PF4V1: variants seen among roughly 807,000 people sequenced by gnomAD.
PF4V1 encodes platelet factor 4 variant 1.
In PF4V1, 4 loss-of-function variants were observed where a neutral mutation model predicts 6.9. The observed-to-expected ratio is 0.58, with a 90% CI of 0.29 to 1.34. The LOEUF (loss-of-function observed/expected upper bound fraction) is 1.34. Ranked by LOEUF, PF4V1 falls within the 40% of genes most tolerant of loss-of-function variation. The pLI is 0.09. For synonymous variants in PF4V1, 68 were observed against 55.9 expected, an observed-to-expected ratio of 1.22 and a Z score of -0.97; for missense variants, 127 against 128.6, an observed-to-expected ratio of 0.99 and a Z score of 0.06.
rs1248816537 is a variant in PF4V1, at chr4:73,853,309, C to A, written c.-54C>A. On this transcript the variant is annotated 5_prime_UTR_variant, in exon 1 of 3. Coordinates refer to ENST00000226524, the MANE Select transcript of PF4V1 (RefSeq NM_002620.4). Reference sequence around the variant, plus strand: ...AGGCCAGGAGTCACTGCCTGCAGAACCCCAGCCCGACTTTCCCTGCGCACT... The same window carrying A: ...AGGCCAGGAGTCACTGCCTGCAGAAACCCAGCCCGACTTTCCCTGCGCACT... The A allele has an allele frequency of 3.5e-6, 5 of 1,438,994 alleles. No individual in the cohort carries two copies. In the East Asian group the frequency reaches 6.8e-5, roughly 20 times the overall value. The allele number at this position is 1,438,994 out of a possible 1,614,324, so 89.1% of individuals were successfully genotyped here.
chr4:73,854,189 C>A lies in PF4V1; in HGVS notation c.*67C>A. ...AGAATCTTCTGATGTTTGTATTATCCTTCTTATATTATATTAACGAAATAA... is the reference window on the plus strand; with the variant it reads ...AGAATCTTCTGATGTTTGTATTATCATTCTTATATTATATTAACGAAATAA... On this transcript the variant is annotated 3_prime_UTR_variant, in exon 3 of 3. Coordinates refer to ENST00000226524, the MANE Select transcript of PF4V1 (RefSeq NM_002620.4). 1.2e-5 allele frequency: 13 copies of A among 1,100,372 alleles called. No individual in the cohort carries two copies. Among genetic ancestry groups the A allele is most frequent in the Non-Finnish European group, 1.8e-5 (13 of 741,506 alleles). 68.2% of individuals were successfully genotyped at this position (1,100,372 alleles called of 1,614,324 possible).
At position 73,854,297 on chromosome 4, in the gene PF4V1, T is replaced by G; in HGVS notation, c.*175T>G. 1.7e-6 allele frequency: 1 copy of G among 586,412 alleles called. No homozygotes were observed. The highest frequency in any genetic ancestry group is 2.9e-6 in the Non-Finnish European group (1 of 340,632). 36.3% of individuals were successfully genotyped at this position (586,412 alleles called of 1,614,324 possible). A position where few individuals can be genotyped will look rare whatever the true frequency, so the allele number is the denominator to read the frequency against. On this transcript the variant is annotated 3_prime_UTR_variant, in exon 3 of 3. Transcript: ENST00000226524. ...ACATCACAATTTCATATTTTAAAATTTCCAGAATTTTAAGCAAAAAGCATT... is the reference window on the plus strand; with the variant it reads ...ACATCACAATTTCATATTTTAAAATGTCCAGAATTTTAAGCAAAAAGCATT...
At position 73,853,327 on chromosome 4, in the gene PF4V1, T is replaced by G. The variant is rs199780367; in HGVS notation, c.-36T>G. On this transcript the variant is annotated 5_prime_UTR_variant, in exon 1 of 3. Transcript: ENST00000226524. ...TGCAGAACCCCAGCCCGACTTTCCC[T>G]GCGCACTGGGATCCTGCTGGAACCT... 1.7e-5 allele frequency: 26 copies of G among 1,566,272 alleles called. No homozygotes were observed. The East Asian group carries it at 5.8e-4, about 35-fold the overall frequency.
At chr4:73,853,746 C>CTT (rs1490815769) in intron 1 of PF4V1, 37 bp from the exon 2 acceptor site, 1 of 1,576,958 alleles carries the variant, frequency 6.3e-7, no homozygotes, top group South Asian at 1.1e-5. Flanking sequence ...CAACTCCCAC[C>CTT]CCTCCTCCTC....
At position 73,854,250 on chromosome 4, in the gene PF4V1, A is replaced by T. The variant is rs1731494879; in HGVS notation, c.*128A>T. On this transcript the variant is annotated 3_prime_UTR_variant, in exon 3 of 3. Coordinates refer to ENST00000226524, the MANE Select transcript of PF4V1 (RefSeq NM_002620.4). ...GGTATAGTCAATCTATTTCTTAATA[A>T]TACTGCAAAAATAATGCTGACACAT... 1 of 650,408 alleles carries T rather than the reference A, an allele frequency of 1.5e-6. No homozygotes were observed. The highest frequency in any genetic ancestry group is 2.6e-6 in the Non-Finnish European group (1 of 390,762). 40.3% of individuals were successfully genotyped at this position (650,408 alleles called of 1,614,324 possible).
At position 73,853,351 on chromosome 4, in the gene PF4V1, C is replaced by T; in HGVS notation, c.-12C>T. 2 of 1,612,184 alleles carry T rather than the reference C, an allele frequency of 1.2e-6. No homozygotes were observed. Among genetic ancestry groups the T allele is most frequent in the South Asian group, 2.2e-5 (2 of 91,030 alleles). On this transcript the variant is annotated 5_prime_UTR_variant, in exon 1 of 3. Coordinates refer to ENST00000226524, the MANE Select transcript of PF4V1 (RefSeq NM_002620.4). ...CTGCGCACTGGGATCCTGCTGGAAC[C>T]TCAGCTGCAACATGAGCTCCGCAGC...
In PF4V1 at chr4:73,853,318, G is replaced by T. The variant is rs1243918892; in HGVS notation, c.-45G>T. 1 of 1,528,188 alleles carries T rather than the reference G, an allele frequency of 6.5e-7. No homozygotes were observed. 94.7% of individuals were successfully genotyped at this position (1,528,188 alleles called of 1,614,324 possible). A position where few individuals can be genotyped will look rare whatever the true frequency, so the allele number is the denominator to read the frequency against. On this transcript the variant is annotated 5_prime_UTR_variant, in exon 1 of 3. Coordinates refer to ENST00000226524, the MANE Select transcript of PF4V1 (RefSeq NM_002620.4). ...GTCACTGCCTGCAGAACCCCAGCCCGACTTTCCCTGCGCACTGGGATCCTG... is the reference window on the plus strand; with the variant it reads ...GTCACTGCCTGCAGAACCCCAGCCCTACTTTCCCTGCGCACTGGGATCCTG...
At chr4:73,853,490 C>T in intron 1 of PF4V1, 28 bp downstream of exon 1, 2 of 1,575,500 alleles carry the variant, frequency 1.3e-6, no homozygotes, top group Non-Finnish European at 1.7e-6. Flanking sequence ...GCTGGGAGGG[C>T]CAGCAGCGGC....
rs1731476649 is a variant in PF4V1 at position 73,853,671 on chromosome 4, A to G, written c.101-112A>G. ...TCTGAGAGAGGTCTGATTTACGGCT[A>G]AGGAAAAGAAAGCTGAAGGTAGTGG... On this transcript the variant is annotated intron_variant, in intron 1 of 2. Transcript: ENST00000226524. 2.8e-6 allele frequency: 4 copies of G among 1,422,240 alleles called. No homozygotes were observed. In the South Asian group the frequency reaches 4.1e-5, roughly 14 times the overall value. The allele number at this position is 1,422,240 out of a possible 1,614,324, so 88.1% of individuals were successfully genotyped here.
Position 73,854,033 on chromosome 4 carries a change from A to G in PF4V1, c.228-2A>G, listed in dbSNP as rs200021079. 6.2e-7 allele frequency: 1 copy of G among 1,614,128 alleles called. No individual in the cohort carries two copies. The highest frequency in any genetic ancestry group is 1.3e-5 in the African/African-American group (1 of 75,026). ...TCACGTCTCTTCTCTTTTCCCTGCC[A>G]GAGCCACGCTGAAGAATGGGAGGAA... On this transcript the variant is annotated splice_acceptor_variant, in intron 2 of 2. Transcript: ENST00000226524. LOFTEE classifies it high-confidence loss of function.
intron 2 of PF4V1, 63 bp downstream of exon 2, chr4:73,853,972 C>G (rs560502455): frequency 7.5e-6 from 12 of 1,608,504 alleles, no homozygotes; most frequent in Non-Finnish European, 8.5e-6. Flanking sequence ...CATCCCTCCC[C>G]CTTCTAATGC....
chr4:73,854,172 C>T lies in PF4V1; in HGVS notation c.*50C>T, dbSNP rs935597852. 4 of 1,286,708 alleles carry T rather than the reference C, an allele frequency of 3.1e-6. No individual in the cohort carries two copies. Among genetic ancestry groups the T allele is most frequent in the Non-Finnish European group, 4.5e-6 (4 of 887,836 alleles). 79.7% of individuals were successfully genotyped at this position (1,286,708 alleles called of 1,614,324 possible). On this transcript the variant is annotated 3_prime_UTR_variant, in exon 3 of 3. Transcript: ENST00000226524. ...TTCAATCTAACTGTGAAAGAATCTT[C>T]TGATGTTTGTATTATCCTTCTTATA... is the stretch of plus-strand genomic sequence containing the variant.
intron 1 of PF4V1, 93 bp downstream of exon 1, chr4:73,853,555 CG>C (rs1258000089): frequency 6.9e-7 from 1 of 1,446,076 alleles, no homozygotes; most frequent in Non-Finnish European, 9.4e-7. Flanking sequence ...GGATCATGAT[CG>C]CAGCTGCTCT....
In PF4V1 at chr4:73,853,854, A is replaced by G. The variant is rs778315756; in HGVS notation, c.172A>G (p.Ile58Val). The change falls in exon 2 of 3, where the codon ATC becomes GTC. Residue 58 changes from isoleucine to valine, a missense_variant. Ile to Val is a conservative substitution (Grantham distance 29). Transcript: ENST00000226524. ...KTTSQVRPRH[I>V]TSLEVIKAGP... ...CACCTCCCAGGTCCGTCCCAGGCAC[A>G]TCACCAGCCTGGAGGTGATCAAGGC... 4 of 1,613,166 alleles carry G rather than the reference A, an allele frequency of 2.5e-6. No individual in the cohort carries two copies. In the Admixed American group the frequency reaches 6.7e-5, roughly 27 times the overall value.
At chr4:73,854,012 G>A (rs2233654) in intron 2 of PF4V1, 23 bp from the exon 3 acceptor site, 117,954 of 1,608,482 alleles carry the variant, frequency 0.073, 5,135 homozygotes, top group African/African-American at 0.17. Flanking sequence ...TGAAAGTCAC[G>A]TCTCTTCTCT....
rs141256311 is a variant in PF4V1 at position 73,853,432 on chromosome 4, C to T, written c.70C>T (p.Leu24Phe). ...GGAGATGCTGTTCTTGGCGTTGCTG[C>T]TCCTGCCAGTTGTGGTCGCCTTCGC... The part of the protein sequence containing the change: ...RQEMLFLALL[L>F]LPVVVAFARA... Residue 24 changes from leucine (L) to phenylalanine (F), a missense_variant, in exon 1 of 3, where the codon CTC becomes TTC. By Grantham distance (22) the Leu-to-Phe change is conservative. Transcript: ENST00000226524. The T allele has an allele frequency of 6.2e-7, 1 of 1,614,084 alleles. No individual in the cohort carries two copies. Among genetic ancestry groups the T allele is most frequent in the Non-Finnish European group, 8.5e-7 (1 of 1,179,974 alleles).
chr4:73,853,598 T>A, intron 1 of PF4V1, 136 bp downstream of exon 1: 1 of 1,274,352 alleles, frequency 7.8e-7, no homozygotes, highest in African/African-American at 1.5e-5. Context: ...GCGGGTACAG[T>A]GCCAGGCACT....
chr4:73,853,622 G>A (rs1335310855), intron 1 of PF4V1, among the ~76,000 whole-genome samples, 160 bp downstream of exon 1: 1 of 152,212 alleles, frequency 6.6e-6, no homozygotes, highest in Admixed American at 6.5e-5. Context: ...CGTGCACCTC[G>A]CCACCTGATC....
chr4:73,853,953 T>C (rs1239140394), intron 2 of PF4V1, 44 bp downstream of exon 2: 6 of 1,603,360 alleles, frequency 3.7e-6, no homozygotes, highest in Non-Finnish European at 5.1e-6. Context: ...GCTCCGTGCC[T>C]CCTCTGCCCA....
Sources: allele counts gnomAD v4.1 joint callset (sites outside exome capture counted in the v4.1 genomes callset), GRCh38; gene constraint gnomAD v4.1.1; transcripts MANE v1.5; gene names NCBI Gene and HGNC (gene_info 2026-07-23, HGNC 2026-07-21).